Variants in INSYN2A observed in about 807,000 individuals in gnomAD.
The protein encoded by INSYN2A is inhibitory synaptic factor 2A, also known as family with sequence similarity 196 member A.
In INSYN2A, 17 loss-of-function variants were observed where a neutral mutation model predicts 39.4. The ratio of observed to expected loss-of-function variants is 0.43; its 90% CI spans 0.30 to 0.65. The LOEUF (loss-of-function observed/expected upper bound fraction) is 0.65. INSYN2A is among the 30% of genes least tolerant of loss of function. INSYN2A has a pLI of 0.14. For missense variants in INSYN2A, 595 were observed against 631.2 expected (o/e 0.94, Z 0.61); for synonymous variants, 255 against 265.7 (o/e 0.96, Z 0.39).
rs57503481 is a variant in INSYN2A, at chr10:127,148,030, C to CA, written c.1256+5821dup. ...TGGGCAACAGAGTGAGACTCTGTCTCAAAAAAAAAAAAAAAAAAAAAAAAA... is the reference window on the plus strand; with the variant it reads ...TGGGCAACAGAGTGAGACTCTGTCTCAAAAAAAAAAAAAAAAAAAAAAAAAA... On this transcript the variant is annotated intron_variant, in intron 5 of 5. Coordinates refer to ENST00000522781, the MANE Select transcript of INSYN2A (RefSeq NM_001039762.3). 6.3e-3 allele frequency among the ~76,000 whole-genome samples: 401 copies of CA among 63,282 alleles called. 4 individuals carry two copies. Among genetic ancestry groups the CA allele is most frequent in the South Asian group, 0.033 (29 of 890 alleles). The allele number at this position is 63,282 out of a possible 152,430, so 41.5% of individuals were successfully genotyped here.
intron 1 of INSYN2A, among the ~76,000 whole-genome samples, chr10:127,195,755 C>T (rs1249382944): frequency 1.3e-5 from 2 of 152,150 alleles, no homozygotes; most frequent in Non-Finnish European, 2.9e-5. Context: ...CGCCCCTCAG[C>T]GACCCGGTCG....
At chr10:127,138,358 G>A (rs1362513165) in intron 5 of INSYN2A, among the ~76,000 whole-genome samples, 3 of 152,126 alleles carry the variant, frequency 2.0e-5, no homozygotes, top group Non-Finnish European at 2.9e-5. Context: ...GCCTCATGGA[G>A]TAAAACAGAA....
At chr10:127,186,961 T>A (rs1307045049) in intron 2 of INSYN2A, among the ~76,000 whole-genome samples, 2 of 152,256 alleles carry the variant, frequency 1.3e-5, no homozygotes, top group African/African-American at 4.8e-5. Context: ...ATCAGGCACA[T>A]AGAGTTTTGA....
At chr10:127,174,963 G>A (rs2133884428) in intron 4 of INSYN2A, among the ~76,000 whole-genome samples, 1 of 152,300 alleles carries the variant, frequency 6.6e-6, no homozygotes, top group South Asian at 2.1e-4. Context: ...TTCATTCTAA[G>A]CATAGGTATG....
At position 127,196,319 on chromosome 10, in the gene INSYN2A, G is replaced by C. The variant is rs1011630083; in HGVS notation, c.-717C>G. The stretch of plus-strand genomic sequence containing the variant: ...GGCTGGGCCAGCTCCGGGGACGCCC[G>C]CGCGCTCGCTTGCTCGCGACGCGGC... On this transcript the variant is annotated 5_prime_UTR_variant, in exon 1 of 6. Coordinates refer to ENST00000522781, the MANE Select transcript of INSYN2A (RefSeq NM_001039762.3). Among the ~76,000 whole-genome samples, 62 of 148,822 alleles carry C rather than the reference G, an allele frequency of 4.2e-4. No individual in the cohort carries two copies. The highest frequency in any genetic ancestry group is 1.5e-3 in the Admixed American group (22 of 14,982).
chr10:127,175,556 T>C lies in INSYN2A; in HGVS notation c.840A>G (p.Ser280=). The change falls in exon 4 of 6, where the codon TCA becomes TCG. Residue 280 remains serine, a synonymous_variant. Coordinates refer to ENST00000522781, the MANE Select transcript of INSYN2A (RefSeq NM_001039762.3). This position sits in a 1 kb window ranked among gnomAD's most constrained non-coding sequence, Gnocchi z 6.3. ...LSDSAAASQW[S]LCPADDERRR... ...TCCGCTCGTCATCTGCCGGGCAGAG[T>C]GACCACTGGCTGGCGGCTGCAGAGT... The C allele has an allele frequency of 6.2e-7, 1 of 1,611,744 alleles. No homozygotes were observed. The highest frequency in any genetic ancestry group is 8.5e-7 in the Non-Finnish European group (1 of 1,179,958).
intron 5 of INSYN2A, among the ~76,000 whole-genome samples, chr10:127,147,751 G>T (rs1010195498): frequency 5.9e-5 from 9 of 152,076 alleles, no homozygotes; most frequent in Non-Finnish European, 1.0e-4. Context: ...ACCTGTCCTT[G>T]TCTGGGCACG....
chr10:127,154,898 G>A (rs11591276), intron 4 of INSYN2A, among the ~76,000 whole-genome samples: 4 of 152,184 alleles, frequency 2.6e-5, no homozygotes, highest in Admixed American at 1.3e-4. Flanking sequence ...GTCCAGCCAC[G>A]TAGGAACAGC....
At chr10:127,171,527 C>T (rs1308174027) in intron 4 of INSYN2A, among the ~76,000 whole-genome samples, 5 of 152,078 alleles carry the variant, frequency 3.3e-5, no homozygotes, top group South Asian at 2.1e-4. Flanking sequence ...TCATGGGCTC[C>T]GAGGTGCCTG....
At chr10:127,156,549 TCTTCTTC>T (rs1564849307) in intron 4 of INSYN2A, among the ~76,000 whole-genome samples, 1 of 93,154 alleles carries the variant, frequency 1.1e-5, no homozygotes, top group African/African-American at 3.9e-5. Flanking sequence ...TTCTTCTTCT[TCTTCTTC>T]TTCTTCTTTT....
chr10:127,141,686 A>C (rs572448752), intron 5 of INSYN2A, among the ~76,000 whole-genome samples: 50 of 152,216 alleles, frequency 3.3e-4, no homozygotes, highest in African/African-American at 9.1e-4. Flanking sequence ...CAAAAAAAAA[A>C]AAAAAGCAAA....
intron 5 of INSYN2A, among the ~76,000 whole-genome samples, chr10:127,141,948 C>T (rs2051301326): frequency 6.6e-6 from 1 of 152,204 alleles, no homozygotes; most frequent in African/African-American, 2.4e-5. Context: ...GCCTGGCTCC[C>T]ATGCCACGGT....
At chr10:127,138,991 G>A (rs944300046) in intron 5 of INSYN2A, among the ~76,000 whole-genome samples, 2 of 152,112 alleles carry the variant, frequency 1.3e-5, no homozygotes, top group African/African-American at 4.8e-5. Context: ...TCTGCATTGA[G>A]GAGTTCTGCT....
intron 2 of INSYN2A, among the ~76,000 whole-genome samples, chr10:127,180,734 A>G (rs2055645581): frequency 6.6e-6 from 1 of 152,234 alleles, no homozygotes; most frequent in Non-Finnish European, 1.5e-5. Context: ...ACAGTTAAGT[A>G]AATTATGGTT....
intron 5 of INSYN2A, among the ~76,000 whole-genome samples, chr10:127,145,104 G>A (rs931579825): frequency 5.3e-5 from 8 of 152,122 alleles, no homozygotes; most frequent in African/African-American, 1.9e-4. Flanking sequence ...CTCATCCTAG[G>A]TGCCCATCTT....
rs551874550 is a variant in INSYN2A, at chr10:127,137,548, G to A, written c.*289C>T. ...GTTGATAATGTATTACTTGCAGATC[G>A]GGGGTGGGGGAAAATTTTTACTTAT... is the stretch of plus-strand genomic sequence containing the variant. On this transcript the variant is annotated 3_prime_UTR_variant, in exon 6 of 6. Transcript: ENST00000522781. The A allele has an allele frequency of 2.2e-4, 67 of 303,696 alleles. No homozygotes were observed. The highest frequency in any genetic ancestry group is 1.8e-3 in the Middle Eastern group (2 of 1,090). 18.8% of individuals were successfully genotyped at this position (303,696 alleles called of 1,614,324 possible).
intron 4 of INSYN2A, among the ~76,000 whole-genome samples, chr10:127,157,044 C>T (rs554633445): frequency 1.3e-5 from 2 of 152,334 alleles, no homozygotes; most frequent in African/African-American, 2.4e-5. Flanking sequence ...TCCTTGTCCT[C>T]ACAAAGCTCA....
At chr10:127,163,782 G>C (rs1473777168) in intron 4 of INSYN2A, among the ~76,000 whole-genome samples, 1 of 149,672 alleles carries the variant, frequency 6.7e-6, no homozygotes, top group Non-Finnish European at 1.5e-5. Flanking sequence ...CCACTTCCGT[G>C]TCTGGATAAA....
intron 2 of INSYN2A, among the ~76,000 whole-genome samples, chr10:127,185,351 TC>T (rs1473382914): frequency 1.3e-5 from 2 of 151,972 alleles, no homozygotes; most frequent in Non-Finnish European, 2.9e-5. Flanking sequence ...ACATGGTGAA[TC>T]CCGTCTCTAC....
Sources: gnomAD v4.1 joint callset for allele counts (sites outside exome capture counted in the v4.1 genomes callset) on GRCh38, gnomAD v4.1.1 for gene constraint, Gnocchi (gnomAD v3.1) non-coding constraint, MANE v1.5 for transcripts, NCBI Gene and HGNC (gene_info 2026-07-23, HGNC 2026-07-21) for gene names.